ZPLD1: variants seen among roughly 807,000 people sequenced by gnomAD.
ZPLD1 encodes zona pellucida-like domain-containing protein 1.
A neutral mutation model predicts 47.2 loss-of-function variants in ZPLD1; 34 were observed. The observed-to-expected ratio is 0.72, with a 90% CI of 0.55 to 0.96. ZPLD1 has a LOEUF of 0.96. Among genes scored for constraint, ZPLD1 ranks in the 40% least tolerant of loss-of-function variants. The pLI is 0.00. For synonymous variants in ZPLD1, 176 were observed against 186.2 expected (o/e 0.95, Z 0.45); for missense variants, 512 against 505.8 (o/e 1.01, Z -0.12).
upstream of ZPLD1, among the ~76,000 whole-genome samples, chr3:102,431,464 A>C (rs901242869): frequency 6.6e-6 from 1 of 152,200 alleles, no homozygotes; most frequent in Admixed American, 6.5e-5. Context: ...TTTCCAATGA[A>C]GGTCATATAT....
At chr3:102,457,995 T>A in intron 6 of ZPLD1, 142 bp downstream of exon 6, 1 of 689,638 alleles carries the variant, frequency 1.5e-6, no homozygotes, top group Non-Finnish European at 2.4e-6. Context: ...TTTGCTACCA[T>A]TTTCATATAT....
At chr3:102,456,153 T>C (rs746811104) in intron 4 of ZPLD1, 40 bp from the exon 5 acceptor site, 5 of 1,565,728 alleles carry the variant, frequency 3.2e-6, no homozygotes, top group Non-Finnish European at 4.3e-6. Flanking sequence ...GATGTATATA[T>C]AGCCATTTAA....
In ZPLD1 at chr3:102,478,420, T is replaced by C. The variant is rs1162764308; in HGVS notation, c.*802T>C. The C allele has an allele frequency of 1.3e-5, 2 of 152,208 alleles. No homozygotes were observed. The highest frequency in any genetic ancestry group is 2.1e-4 in the South Asian group (1 of 4,828). The allele number at this position is 152,208 out of a possible 1,614,324, so 9.4% of individuals were successfully genotyped here. A position where few individuals can be genotyped will look rare whatever the true frequency, so the allele number is the denominator to read the frequency against. On this transcript the variant is annotated 3_prime_UTR_variant, in exon 12 of 12. Coordinates refer to ENST00000466937, the MANE Select transcript of ZPLD1 (RefSeq NM_001329788.2). ...TGTGCTTCCAGCAGTGAGGTAACTA[T>C]GCAAAGATTATTTTTAATTCAAGAA...
intron 4 of ZPLD1, among the ~76,000 whole-genome samples, chr3:102,453,731 A>C (rs988602150): frequency 2.6e-5 from 4 of 152,138 alleles, no homozygotes; most frequent in Non-Finnish European, 5.9e-5. Flanking sequence ...CCAGTAGCAC[A>C]CTCTCTCTAG....
At chr3:102,392,908 T>G (rs1265909280) in intron 7 of ZPLD1, among the ~76,000 whole-genome samples, 1 of 152,162 alleles carries the variant, frequency 6.6e-6, no homozygotes, top group Non-Finnish European at 1.5e-5. Context: ...GAAAATATAT[T>G]TTGGATGTTA....
chr3:102,416,585 T>C (rs1417971884), intron 7 of ZPLD1, among the ~76,000 whole-genome samples: 1 of 151,880 alleles, frequency 6.6e-6, no homozygotes, highest in Admixed American at 6.6e-5. Context: ...TCAACATAAT[T>C]AGGAAGACCT....
rs146635631 is a variant in ZPLD1 at position 102,466,899 on chromosome 3, A to G, written c.762-2065A>G. Among the ~76,000 whole-genome samples, 1,023 of 152,164 alleles carry G rather than the reference A, an allele frequency of 6.7e-3. 15 individuals are homozygous for G. The highest frequency in any genetic ancestry group is 0.023 in the African/African-American group (965 of 41,534). On this transcript the variant is annotated intron_variant, in intron 8 of 11. Coordinates refer to ENST00000466937, the MANE Select transcript of ZPLD1 (RefSeq NM_001329788.2). ...TCCCCCCAAAAGCCAAAATAATAGA[A>G]CACATTGTTTAAAAATATAATCCAG...
chr3:102,433,427 G>A (rs1707041348), upstream of ZPLD1, among the ~76,000 whole-genome samples: 1 of 152,184 alleles, frequency 6.6e-6, no homozygotes, highest in Admixed American at 6.5e-5. Flanking sequence ...CTATCTCATA[G>A]TTAGAAAACA....
At chr3:102,434,054 A>G (rs1194661662), upstream of ZPLD1, among the ~76,000 whole-genome samples, 3 of 152,198 alleles carry the variant, frequency 2.0e-5, no homozygotes, top group Non-Finnish European at 4.4e-5. Context: ...CCAAATGTCA[A>G]GCTCATTTTT....
upstream of ZPLD1, among the ~76,000 whole-genome samples, chr3:102,432,604 C>T (rs1707029432): frequency 6.6e-6 from 1 of 152,132 alleles, no homozygotes; most frequent in Non-Finnish European, 1.5e-5. Context: ...CAGATAAAGG[C>T]ACTTTCGAAC....
In ZPLD1 at chr3:102,467,899, A is replaced by G. The variant is rs541937566; in HGVS notation, c.762-1065A>G. ...CACGGAATGTCCAAAGCCAAATAACAAAGGGAAACAATTTGCAACTTATAT... is the reference window on the plus strand; with the variant it reads ...CACGGAATGTCCAAAGCCAAATAACGAAGGGAAACAATTTGCAACTTATAT... On this transcript the variant is annotated intron_variant, in intron 8 of 11. Transcript: ENST00000466937. Among the ~76,000 whole-genome samples, 7 of 151,688 alleles carry G rather than the reference A, an allele frequency of 4.6e-5. No individual in the cohort carries two copies. The South Asian group carries it at 1.0e-3, about 23-fold the overall frequency.
chr3:102,394,667 A>T (rs1043114305), intron 7 of ZPLD1, among the ~76,000 whole-genome samples: 1 of 152,180 alleles, frequency 6.6e-6, no homozygotes, highest in Non-Finnish European at 1.5e-5. Context: ...TATGGCCTAC[A>T]TTCCTTAGGA....
intron 7 of ZPLD1, among the ~76,000 whole-genome samples, chr3:102,408,964 A>G (rs868366144): frequency 6.7e-6 from 1 of 150,302 alleles, no homozygotes; most frequent in Non-Finnish European, 1.5e-5. Context: ...TATCTAGTAC[A>G]ATGGACCCTG....
chr3:102,412,708 A>G lies in ZPLD1; in HGVS notation c.-156-5352A>G, dbSNP rs373540747. On this transcript the variant is annotated intron_variant, in intron 7 of 17. Coordinates refer to the ZPLD1 transcript ENST00000491959. ...ATTTGCTGATAGTCATAGTTGCTCCAAAGATAAAATGGACTACCCCTTATC... is the reference window on the plus strand; with the variant it reads ...ATTTGCTGATAGTCATAGTTGCTCCGAAGATAAAATGGACTACCCCTTATC... Among the ~76,000 whole-genome samples the G allele has an allele frequency of 1.3e-4, 20 of 151,890 alleles. No individual in the cohort carries two copies. In the East Asian group the frequency reaches 2.1e-3, roughly 16 times the overall value.
chr3:102,420,642 T>G (rs1354390080), intron 8 of ZPLD1, among the ~76,000 whole-genome samples: 1 of 151,926 alleles, frequency 6.6e-6, no homozygotes, highest in East Asian at 1.9e-4. Flanking sequence ...GAAAACTATT[T>G]TTAGCACGTG....
intron 7 of ZPLD1, among the ~76,000 whole-genome samples, chr3:102,397,948 A>G (rs1277907374): frequency 6.6e-6 from 1 of 152,130 alleles, no homozygotes; most frequent in Non-Finnish European, 1.5e-5. Flanking sequence ...TGGTGAACTA[A>G]GTAATAATTT....
At chr3:102,438,986 C>CA (rs755383449) in intron 3 of ZPLD1, among the ~76,000 whole-genome samples, 9 of 151,842 alleles carry the variant, frequency 5.9e-5, no homozygotes, top group South Asian at 2.1e-4. Context: ...TTGTACAATA[C>CA]AAAAAAATGC....
At chr3:102,452,654 A>G (rs1480507358) in intron 3 of ZPLD1, among the ~76,000 whole-genome samples, 3 of 152,204 alleles carry the variant, frequency 2.0e-5, no homozygotes, top group Non-Finnish European at 4.4e-5. Flanking sequence ...TCAACACTTA[A>G]TGTACATCCA....
chr3:102,422,327 G>A (rs925622186), intron 8 of ZPLD1, among the ~76,000 whole-genome samples: 6 of 151,990 alleles, frequency 3.9e-5, no homozygotes, highest in Non-Finnish European at 7.4e-5. Flanking sequence ...ATATTTTGGG[G>A]TGTCATGACT....
Sources: gnomAD v4.1 joint callset for allele counts (sites outside exome capture counted in the v4.1 genomes callset) on GRCh38, gnomAD v4.1.1 for gene constraint, MANE v1.5 for transcripts, NCBI Gene and HGNC (gene_info 2026-07-23, HGNC 2026-07-21) for gene names.